The following ZNF804B variants were observed in gnomAD, a reference collection of about 807,000 sequenced individuals.
The protein encoded by ZNF804B is zinc finger protein 804B, also known as zinc finger 804B.
In ZNF804B, 80 loss-of-function variants were observed where a neutral mutation model predicts 101.4. That is an observed-to-expected ratio of 0.79 (90% CI 0.66 to 0.95). ZNF804B has a LOEUF of 0.95. Among genes scored for constraint, ZNF804B ranks in the 40% least tolerant of loss-of-function variants. The pLI is 0.00. For synonymous variants in ZNF804B, 622 were observed against 558.8 expected, an observed-to-expected ratio of 1.11 and a Z score of -1.59; for missense variants, 1,673 against 1,561.9, an observed-to-expected ratio of 1.07 and a Z score of -1.20.
intron 1 of ZNF804B, among the ~76,000 whole-genome samples, chr7:89,113,936 AG>A (rs1179679087): frequency 7.2e-5 from 11 of 151,964 alleles, no homozygotes; most frequent in Admixed American, 6.6e-5. Context: ...AAAAAAAAAA[AG>A]GGAACACATT....
At position 89,039,261 on chromosome 7, in the gene ZNF804B, G is replaced by T. The variant is rs564092145; in HGVS notation, c.109-178894G>T. 2.0e-5 allele frequency among the ~76,000 whole-genome samples: 3 copies of T among 152,040 alleles called. No individual in the cohort carries two copies. The South Asian group carries it at 6.2e-4, about 32-fold the overall frequency. On this transcript the variant is annotated intron_variant, in intron 1 of 3. Coordinates refer to ENST00000333190, the MANE Select transcript of ZNF804B (RefSeq NM_181646.5). ...TTGTTTCTGTAGATTGCTTTGGGTA[G>T]TGTAAACATTTTTTGTTTGTTTGGG...
At chr7:88,795,147 T>C (rs1484463966) in intron 1 of ZNF804B, 1 of 434,046 alleles carries the variant, frequency 2.3e-6, no homozygotes. Context: ...GTATTTGAAA[T>C]GAAAGACAAT....
At chr7:89,236,762 C>G (rs1335081277) in intron 2 of ZNF804B, among the ~76,000 whole-genome samples, 3 of 152,094 alleles carry the variant, frequency 2.0e-5, no homozygotes, top group Admixed American at 6.5e-5. Context: ...AGGAAATGAA[C>G]ATGGCTCATC....
chr7:89,336,402 T>TC lies in ZNF804B; in HGVS notation c.3425dup (p.Leu1143PhefsTer11). 1 of 1,613,840 alleles carries TC rather than the reference T, an allele frequency of 6.2e-7. No individual in the cohort carries two copies. Among genetic ancestry groups the TC allele is most frequent in the Non-Finnish European group, 8.5e-7 (1 of 1,179,954 alleles). ...TAGAAATGTGTCATAAATCTATCTC[T>TC]CCCCCTTTAATTCAACAGCCCATAA... On this transcript the variant is annotated frameshift_variant, in exon 4 of 4. Coordinates refer to ENST00000333190, the MANE Select transcript of ZNF804B (RefSeq NM_181646.5). LOFTEE classifies it high-confidence loss of function.
At chr7:89,038,991 C>G (rs1788972184) in intron 1 of ZNF804B, among the ~76,000 whole-genome samples, 1 of 151,888 alleles carries the variant, frequency 6.6e-6, no homozygotes, top group African/African-American at 2.4e-5. Context: ...TATTTTTAGG[C>G]TCTTTATTCT....
Position 88,759,879 on chromosome 7 carries a change from G to T in ZNF804B, c.-98G>T. 1.1e-6 allele frequency: 1 copy of T among 952,174 alleles called. No homozygotes were observed. The allele number at this position is 952,174 out of a possible 1,614,324, so 59.0% of individuals were successfully genotyped here. A position where few individuals can be genotyped will look rare whatever the true frequency, so the allele number is the denominator to read the frequency against. On this transcript the variant is annotated 5_prime_UTR_variant, in exon 1 of 4. The change creates a premature stop within an existing upstream ORF in the 5' untranslated region. Coordinates refer to ENST00000333190, the MANE Select transcript of ZNF804B (RefSeq NM_181646.5). The stretch of plus-strand genomic sequence containing the variant: ...GCGTCCTGCTGGCCGCGTCTTCTCG[G>T]GAGGTGGTAGTCGCTGTTGCCGCTG...
intron 1 of ZNF804B, among the ~76,000 whole-genome samples, chr7:89,136,192 G>T (rs1345770713): frequency 6.6e-6 from 1 of 151,924 alleles, no homozygotes; most frequent in East Asian, 1.9e-4. Flanking sequence ...GCAAGCTCAG[G>T]CATGAGTATC....
chr7:89,141,864 G>A (rs1790722718), intron 1 of ZNF804B, among the ~76,000 whole-genome samples: 1 of 145,546 alleles, frequency 6.9e-6, no homozygotes, highest in African/African-American at 2.6e-5. Flanking sequence ...TGAAATAATA[G>A]AATTGAAAGA....
intron 1 of ZNF804B, among the ~76,000 whole-genome samples, chr7:88,937,950 G>A (rs945213950): frequency 3.9e-5 from 6 of 152,072 alleles, no homozygotes; most frequent in Non-Finnish European, 7.4e-5. Context: ...ATGGGTGACC[G>A]TGGGCTGTGA....
intron 1 of ZNF804B, among the ~76,000 whole-genome samples, chr7:88,940,934 A>G (rs1793046352): frequency 6.6e-6 from 1 of 151,700 alleles, no homozygotes; most frequent in African/African-American, 2.4e-5. Context: ...CAATAAGAAA[A>G]TAACCTGATT....
At chr7:88,867,531 AG>A (rs1174957743) in intron 1 of ZNF804B, among the ~76,000 whole-genome samples, 1 of 152,186 alleles carries the variant, frequency 6.6e-6, no homozygotes, top group Non-Finnish European at 1.5e-5. Context: ...ACCCACATTA[AG>A]GGGGGATTTT....
intron 2 of ZNF804B, among the ~76,000 whole-genome samples, chr7:89,243,011 G>A (rs182185117): frequency 1.5e-3 from 222 of 151,758 alleles, no homozygotes; most frequent in African/African-American, 4.9e-3. Context: ...TCTTTTTAAT[G>A]GATGCTGACA....
chr7:88,932,954 G>A (rs563125376), intron 1 of ZNF804B, among the ~76,000 whole-genome samples: 6 of 151,674 alleles, frequency 4.0e-5, no homozygotes, highest in African/African-American at 1.4e-4. Context: ...TATGAATCTA[G>A]TATCACCCTA....
At chr7:89,109,311 C>T (rs1371384081) in intron 1 of ZNF804B, among the ~76,000 whole-genome samples, 1 of 152,134 alleles carries the variant, frequency 6.6e-6, no homozygotes, top group Non-Finnish European at 1.5e-5. Context: ...TAAAGAACTA[C>T]TTGTTCTCTT....
At chr7:89,056,863 A>C (rs1403692768) in intron 1 of ZNF804B, among the ~76,000 whole-genome samples, 3 of 152,154 alleles carry the variant, frequency 2.0e-5, no homozygotes, top group African/African-American at 7.2e-5. Flanking sequence ...AGGTTTAGTC[A>C]TCGTGTCACT....
intron 1 of ZNF804B, among the ~76,000 whole-genome samples, chr7:88,992,653 C>T (rs890972620): frequency 6.6e-6 from 1 of 152,042 alleles, no homozygotes; most frequent in African/African-American, 2.4e-5. Flanking sequence ...TTCATTAACT[C>T]AAAGTCAACT....
chr7:89,092,258 C>T (rs936425556), intron 1 of ZNF804B, among the ~76,000 whole-genome samples: 3 of 151,708 alleles, frequency 2.0e-5, no homozygotes, highest in African/African-American at 7.3e-5. Context: ...TTACTAATCA[C>T]CTCCCAAAGT....
chr7:89,020,579 C>T (rs940012817), intron 1 of ZNF804B, among the ~76,000 whole-genome samples: 6 of 152,034 alleles, frequency 3.9e-5, no homozygotes, highest in African/African-American at 1.2e-4. Context: ...AATCCTTGAG[C>T]TTTCTGGATG....
rs140747372 is a variant in ZNF804B at position 89,175,571 on chromosome 7, A to G, written c.109-42584A>G. Among the ~76,000 whole-genome samples the G allele has an allele frequency of 9.2e-5, 14 of 152,118 alleles. No individual in the cohort carries two copies. In the East Asian group the frequency reaches 1.7e-3, roughly 19 times the overall value. On this transcript the variant is annotated intron_variant, in intron 1 of 3. Transcript: ENST00000333190. The stretch of plus-strand genomic sequence containing the variant: ...GGCTATTCTAGCTCTGTGATTCCAT[A>G]TACATTTTAGGATGACTGTTGCTAT...
Sources: allele counts gnomAD v4.1 joint callset (sites outside exome capture counted in the v4.1 genomes callset), GRCh38; gene constraint gnomAD v4.1.1; transcripts MANE v1.5; gene names NCBI Gene and HGNC (gene_info 2026-07-23, HGNC 2026-07-21).